SLC27A1: variants seen among roughly 807,000 people sequenced by gnomAD.
SLC27A1 encodes the protein long-chain fatty acid transport protein 1.
In SLC27A1, 61 loss-of-function variants were observed where a neutral mutation model predicts 62.2. The ratio of observed to expected loss-of-function variants is 0.98; its 90% CI spans 0.80 to 1.21. The LOEUF (loss-of-function observed/expected upper bound fraction) is 1.21. Among genes scored for constraint, SLC27A1 ranks in the 50% most tolerant of loss-of-function variants. SLC27A1 has a pLI of 0.00. For missense variants in SLC27A1, 903 were observed against 932.1 expected (o/e 0.97, Z 0.41); for synonymous variants, 435 against 408.6 (o/e 1.06, Z -0.78).
chr19:17,504,047 A>G (rs1208381424), intron 11 of SLC27A1, among the ~76,000 whole-genome samples: 1 of 151,988 alleles, frequency 6.6e-6, no homozygotes, highest in Non-Finnish European at 1.5e-5. Flanking sequence ...GGCGTCCCAA[A>G]GTACTGAGAT....
intron 1 of SLC27A1, among the ~76,000 whole-genome samples, chr19:17,473,676 A>G (rs1017318266): frequency 6.6e-6 from 1 of 152,202 alleles, no homozygotes; most frequent in Non-Finnish European, 1.5e-5. Flanking sequence ...AGCCTGGCCA[A>G]CGTGGCGAAG....
At chr19:17,482,035 G>A (rs10423221) in intron 1 of SLC27A1, among the ~76,000 whole-genome samples, 46,480 of 151,914 alleles carry the variant, frequency 0.31, 7,977 homozygotes, top group Non-Finnish European at 0.39. Context: ...AGTCCCAGAT[G>A]CCTCTCTTCC....
Position 17,488,940 on chromosome 19 carries a change from G to C in SLC27A1, c.886+1G>C, listed in dbSNP as rs1388946921. ...TGCCTGCCCCTGTACCACTCGGCAG[G>C]TACTACGGCCTGGGTAGGGAATGGT... On this transcript the variant is annotated splice_donor_variant, in intron 5 of 11. Transcript: ENST00000252595. LOFTEE classifies it high-confidence loss of function. The C allele has an allele frequency of 3.1e-6, 5 of 1,614,022 alleles. No homozygotes were observed. The highest frequency in any genetic ancestry group is 4.2e-6 in the Non-Finnish European group (5 of 1,180,014).
chr19:17,470,824 T>A (rs991436373), intron 1 of SLC27A1, 117 bp downstream of exon 1: 208 of 400,274 alleles, frequency 5.2e-4, no homozygotes, highest in Admixed American at 1.5e-3. Context: ...GAGGGTGCTT[T>A]GTAGGTTGGG....
rs746791777 is a variant in SLC27A1 at position 17,470,538 on chromosome 19, A to G, written c.-3A>G. ...CGGCCTCAGCTCTCTCTGCTTCCCC[A>G]GGATGCGGGCTCCGGGTGCGGGCGC... On this transcript the variant is annotated 5_prime_UTR_variant, in exon 1 of 12. Transcript: ENST00000252595. 2.3e-4 allele frequency: 357 copies of G among 1,542,820 alleles called. 1 individual carries two copies. The highest frequency in any genetic ancestry group is 1.1e-3 in the Middle Eastern group (5 of 4,382).
At chr19:17,477,318 C>T (rs1056153554) in intron 1 of SLC27A1, among the ~76,000 whole-genome samples, 21 of 131,504 alleles carry the variant, frequency 1.6e-4, no homozygotes, top group Non-Finnish European at 3.1e-4. Flanking sequence ...GTGATCTCAG[C>T]TCACTGCAAC....
rs769336180 is a variant in SLC27A1, at chr19:17,501,224, G to A, written c.1637-49G>A. ...CTTGACAGTGTATCTGGTCCTGCTG[G>A]TGGGGAGGATGAGAGGCGGGGTGTC... On this transcript the variant is annotated intron_variant, in intron 10 of 11. Transcript: ENST00000252595. The A allele has an allele frequency of 1.2e-6, 2 of 1,601,884 alleles. 1 individual carries two copies. Among genetic ancestry groups the A allele is most frequent in the South Asian group, 2.2e-5 (2 of 90,324 alleles).
In SLC27A1 at chr19:17,486,651, G is replaced by A. The variant is rs776195264; in HGVS notation, c.256G>A (p.Val86Met). Reference sequence around the variant, plus strand: ...CATCCCGCGCATCTTTCAGGCGGTAGTGCAGCGACAGCCCGAGCGCCTGGC... The same window carrying A: ...CATCCCGCGCATCTTTCAGGCGGTAATGCAGCGACAGCCCGAGCGCCTGGC... Reference protein sequence around the residue: ...HTIPRIFQAVVQRQPERLALV... With the variant: ...HTIPRIFQAVMQRQPERLALV... Residue 86 changes from valine (V) to methionine (M), a missense_variant, in exon 2 of 12, where the codon GTG (valine) becomes ATG (methionine). Coordinates refer to ENST00000252595, the MANE Select transcript of SLC27A1 (RefSeq NM_198580.3). The surrounding 1 kb of genome is among the most constrained non-coding windows in gnomAD (Gnocchi z 6.6). 1.2e-6 allele frequency: 2 copies of A among 1,606,654 alleles called. No individual in the cohort carries two copies. The highest frequency in any genetic ancestry group is 1.7e-6 in the Non-Finnish European group (2 of 1,179,294).
intron 1 of SLC27A1, among the ~76,000 whole-genome samples, chr19:17,482,831 C>T (rs775055912): frequency 1.3e-5 from 2 of 152,052 alleles, no homozygotes; most frequent in East Asian, 1.9e-4. Context: ...GGTACTGGAC[C>T]CAGGGGCATG....
chr19:17,501,530 A>G, intron 11 of SLC27A1, 111 bp downstream of exon 11: 1 of 1,425,944 alleles, frequency 7.0e-7, no homozygotes, highest in East Asian at 2.4e-5. Context: ...GGGGCCAGGC[A>G]CGGTGGCTCA....
At position 17,487,174 on chromosome 19, in the gene SLC27A1, C is replaced by T. The variant is rs745863692; in HGVS notation, c.563C>T (p.Ala188Val). The T allele has an allele frequency of 1.1e-5, 17 of 1,613,982 alleles. No homozygotes were observed. The highest frequency in any genetic ancestry group is 8.9e-5 in the East Asian group (4 of 44,870). Residue 188 changes from alanine to valine, a missense_variant and splice_region_variant, in exon 3 of 12, where the codon GCG becomes GTG. Physicochemically the swap from Ala to Val is moderately conservative, Grantham distance 64. Transcript: ENST00000252595. ...ALIFGGEMVA[A>V]VAEVSGHLGK... Reference sequence around the variant, plus strand: ...ATGACCCATGTGTTGGGGACCACAGCGGTGGCCGAAGTGAGCGGGCATCTG... The same window carrying T: ...ATGACCCATGTGTTGGGGACCACAGTGGTGGCCGAAGTGAGCGGGCATCTG...
intron 5 of SLC27A1, 33 bp from the exon 6 acceptor site, chr19:17,488,975 C>G (rs746224896): frequency 6.2e-7 from 1 of 1,613,316 alleles, no homozygotes; most frequent in East Asian, 2.2e-5. Flanking sequence ...TGGGTGGGGG[C>G]GGGGGACCCC....
rs751148243 is a variant in SLC27A1, at chr19:17,489,062, G to T, written c.941G>T (p.Arg314Leu). 6.2e-7 allele frequency: 1 copy of T among 1,614,120 alleles called. No individual in the cohort carries two copies. Among genetic ancestry groups the T allele is most frequent in the Admixed American group, 1.7e-5 (1 of 60,018 alleles). ...CLIYGLTVVL[R>L]KKFSASRFWD... is the part of the protein sequence containing the mutation. Reference sequence around the variant, plus strand: ...ATCTATGGGCTGACAGTCGTCCTCCGCAAGAAATTCTCGGCCAGCCGCTTC... The same window carrying T: ...ATCTATGGGCTGACAGTCGTCCTCCTCAAGAAATTCTCGGCCAGCCGCTTC... The change falls in exon 6 of 12, where the codon CGC (arginine) becomes CTC (leucine). Residue 314 changes from arginine to leucine, a missense_variant. Transcript: ENST00000252595.
intron 6 of SLC27A1, among the ~76,000 whole-genome samples, chr19:17,493,091 C>T (rs1217316774): frequency 6.7e-6 from 1 of 149,398 alleles, no homozygotes; most frequent in Non-Finnish European, 1.5e-5. Flanking sequence ...CCACTGCACT[C>T]CAGCCTGGGC....
intron 1 of SLC27A1, among the ~76,000 whole-genome samples, chr19:17,485,434 C>A (rs1201062687): frequency 4.0e-5 from 6 of 151,762 alleles, no homozygotes; most frequent in Non-Finnish European, 8.8e-5. Context: ...ATGATCCACC[C>A]GCCTCGGCCT....
At chr19:17,471,666 G>A (rs1048090679) in intron 1 of SLC27A1, among the ~76,000 whole-genome samples, 1 of 152,082 alleles carries the variant, frequency 6.6e-6, no homozygotes, top group Non-Finnish European at 1.5e-5. Context: ...GTAGCAAGAG[G>A]GACTGAACCC....
intron 1 of SLC27A1, among the ~76,000 whole-genome samples, chr19:17,476,810 G>A (rs2075126878): frequency 6.6e-6 from 1 of 151,818 alleles, no homozygotes; most frequent in Non-Finnish European, 1.5e-5. Flanking sequence ...GACCTATTTT[G>A]GAGGGTGGAT....
chr19:17,500,566 G>A lies in SLC27A1; in HGVS notation c.1405G>A (p.Glu469Lys), dbSNP rs748273414. The part of the protein sequence containing the change: ...PLRRFDGYVS[E>K]SATSKKIAHS... ...GCGCCGCTTCGATGGCTATGTCAGC[G>A]AGAGCGCCACCAGCAAGAAGATCGC... is the stretch of plus-strand genomic sequence containing the variant. Residue 469 changes from glutamate to lysine, a missense_variant, in exon 9 of 12, where the codon GAG (glutamate) becomes AAG (lysine). Transcript: ENST00000252595. 8.7e-6 allele frequency: 14 copies of A among 1,613,648 alleles called. No individual in the cohort carries two copies. The highest frequency in any genetic ancestry group is 4.4e-5 in the South Asian group (4 of 91,048).
At chr19:17,474,670 A>C (rs1599638511) in intron 1 of SLC27A1, among the ~76,000 whole-genome samples, 1 of 129,646 alleles carries the variant, frequency 7.7e-6, no homozygotes, top group African/African-American at 2.9e-5. Context: ...TCGCTTTGTC[A>C]CCCAGGCTGG....
Sources: allele counts gnomAD v4.1 joint callset (sites outside exome capture counted in the v4.1 genomes callset), GRCh38; gene constraint gnomAD v4.1.1; non-coding constraint Gnocchi (gnomAD v3.1); transcripts MANE v1.5; gene names NCBI Gene and HGNC (gene_info 2026-07-23, HGNC 2026-07-21).